RBFOX1: variants seen among roughly 807,000 people sequenced by gnomAD.
RBFOX1 encodes RNA binding protein fox-1 homolog 1.
Under a neutral mutation model 57.7 loss-of-function variants are expected in RBFOX1, and 8 were observed. That is an observed-to-expected ratio of 0.14 (90% CI 0.08 to 0.25). RBFOX1 has a LOEUF of 0.25. Among genes scored for constraint, RBFOX1 ranks in the 10% least tolerant of loss-of-function variants. The pLI, the probability that RBFOX1 is intolerant of heterozygous loss-of-function variation, is 1.00. For missense variants in RBFOX1, 611 were observed against 548.5 expected, an observed-to-expected ratio of 1.11 and a Z score of -1.14; for synonymous variants, 326 against 222.4, an observed-to-expected ratio of 1.47 and a Z score of -4.15.
chr16:6,660,749 T>G (rs951263821), intron 3 of RBFOX1, among the ~76,000 whole-genome samples: 2 of 143,722 alleles, frequency 1.4e-5, no homozygotes, highest in Admixed American at 1.5e-4. Context: ...CTGGATTAAC[T>G]GTAGCTGCGG....
intron 10 of RBFOX1, chr16:7,614,961 C>T (rs1319302638): frequency 1.3e-5 from 2 of 152,186 alleles, no homozygotes; most frequent in Non-Finnish European, 2.9e-5. Flanking sequence ...TTTTTCACTG[C>T]TTTGCTACGC....
chr16:6,776,446 C>A (rs934011663), intron 3 of RBFOX1, among the ~76,000 whole-genome samples: 4 of 126,694 alleles, frequency 3.2e-5, no homozygotes, highest in African/African-American at 5.5e-5. Context: ...AACAAACAAA[C>A]AAAAAAACAT....
intron 2 of RBFOX1, among the ~76,000 whole-genome samples, chr16:6,498,725 C>A (rs2095840933): frequency 6.6e-6 from 1 of 152,070 alleles, no homozygotes; most frequent in African/African-American, 2.4e-5. Flanking sequence ...TGTATTAAGT[C>A]CTGGAAAATC....
At chr16:7,568,404 G>T (rs949597439) in intron 5 of RBFOX1, among the ~76,000 whole-genome samples, 1 of 152,136 alleles carries the variant, frequency 6.6e-6, no homozygotes, top group Non-Finnish European at 1.5e-5. Flanking sequence ...TTGTGGTACT[G>T]GTGGGAGTGT....
chr16:5,961,852 A>T (rs963971151), intron 4 of RBFOX1, among the ~76,000 whole-genome samples: 2 of 152,140 alleles, frequency 1.3e-5, no homozygotes, highest in Non-Finnish European at 2.9e-5. Flanking sequence ...AACCTCCTTT[A>T]TCAGGTATAA....
At chr16:6,162,211 A>G (rs2096884694) in intron 1 of RBFOX1, among the ~76,000 whole-genome samples, 1 of 152,174 alleles carries the variant, frequency 6.6e-6, no homozygotes, top group East Asian at 1.9e-4. Context: ...TCCGCCTTCC[A>G]GGTTCAAGCA....
intron 3 of RBFOX1, among the ~76,000 whole-genome samples, chr16:6,888,938 A>G (rs1002192694): frequency 1.3e-5 from 2 of 152,190 alleles, no homozygotes; most frequent in African/African-American, 4.8e-5. Context: ...GAAACCTTTA[A>G]TCACTTACTT....
chr16:6,728,115 AT>A (rs1258908649), intron 3 of RBFOX1, among the ~76,000 whole-genome samples: 4 of 152,214 alleles, frequency 2.6e-5, no homozygotes, highest in African/African-American at 9.6e-5. Flanking sequence ...AATGGTTAAT[AT>A]TTTATCATTA....
chr16:6,817,658 G>C (rs927674327), intron 3 of RBFOX1, among the ~76,000 whole-genome samples: 4 of 151,478 alleles, frequency 2.6e-5, no homozygotes, highest in African/African-American at 9.7e-5. Context: ...AGCTGAGATT[G>C]CACCACTGCA....
intron 2 of RBFOX1, among the ~76,000 whole-genome samples, chr16:6,593,155 G>A (rs1162385668): frequency 1.3e-5 from 2 of 152,126 alleles, no homozygotes; most frequent in Non-Finnish European, 2.9e-5. Context: ...TGGCACCATT[G>A]CGCTCCAGCC....
intron 2 of RBFOX1, among the ~76,000 whole-genome samples, chr16:6,489,522 G>A (rs62016828): frequency 0.19 from 28,847 of 152,034 alleles, 2,752 homozygotes; most frequent in Middle Eastern, 0.26. Flanking sequence ...CAGAGCTGGG[G>A]TTTAAACTCC....
At chr16:6,608,316 C>G (rs1460263416) in intron 2 of RBFOX1, among the ~76,000 whole-genome samples, 1 of 152,136 alleles carries the variant, frequency 6.6e-6, no homozygotes, top group Non-Finnish European at 1.5e-5. Context: ...GGGGAAAAGC[C>G]TATCTTTTGA....
intron 4 of RBFOX1, among the ~76,000 whole-genome samples, chr16:7,197,913 T>A (rs1774971650): frequency 1.3e-5 from 2 of 151,950 alleles, no homozygotes; most frequent in Middle Eastern, 3.4e-3. Flanking sequence ...GGAGCAGGAA[T>A]TGGGAGTGTA....
chr16:6,825,738 A>C (rs2092036878), intron 3 of RBFOX1, among the ~76,000 whole-genome samples: 1 of 152,108 alleles, frequency 6.6e-6, no homozygotes, highest in South Asian at 2.1e-4. Context: ...AGGGCAGTCG[A>C]TGCCAGGGAC....
chr16:7,444,803 G>T (rs2098795941), intron 4 of RBFOX1, among the ~76,000 whole-genome samples: 2 of 152,110 alleles, frequency 1.3e-5, no homozygotes, highest in Non-Finnish European at 2.9e-5. Flanking sequence ...AAGTGTTGGG[G>T]TTACAGGCAT....
Position 7,273,066 on chromosome 16 carries a change from C to T in RBFOX1, c.27+220968C>T, listed in dbSNP as rs1319659764. ...CCCTCCCTTCCCTCCCTCCTTCCCT[C>T]CCTCCTTCCATCCTTCCGCTCTCCC... On this transcript the variant is annotated intron_variant, in intron 4 of 15. Coordinates refer to ENST00000550418, the MANE Select transcript of RBFOX1 (RefSeq NM_018723.4). 4.0e-5 allele frequency among the ~76,000 whole-genome samples: 5 copies of T among 123,740 alleles called. 1 individual carries two copies. Among genetic ancestry groups the T allele is most frequent in the Admixed American group, 7.9e-5 (1 of 12,614 alleles). 81.2% of individuals were successfully genotyped at this position (123,740 alleles called of 152,430 possible).
At chr16:6,841,131 T>G (rs1430147818) in intron 3 of RBFOX1, among the ~76,000 whole-genome samples, 3 of 152,130 alleles carry the variant, frequency 2.0e-5, no homozygotes, top group Non-Finnish European at 2.9e-5. Context: ...TTAAGTTCCT[T>G]GTACACTCTG....
At chr16:6,618,181 C>T (rs940930793) in intron 2 of RBFOX1, among the ~76,000 whole-genome samples, 15 of 152,152 alleles carry the variant, frequency 9.9e-5, no homozygotes, top group African/African-American at 3.6e-4. Flanking sequence ...TCTGACTCTC[C>T]AGTTCACCTC....
chr16:5,297,854 T>C (rs2063706694), intron 1 of RBFOX1, among the ~76,000 whole-genome samples: 1 of 152,224 alleles, frequency 6.6e-6, no homozygotes, highest in African/African-American at 2.4e-5. Context: ...ACTTATTCCC[T>C]TTTAAATTCT....
Sources: gnomAD v4.1 joint callset for allele counts (sites outside exome capture counted in the v4.1 genomes callset) on GRCh38, gnomAD v4.1.1 for gene constraint, MANE v1.5 for transcripts, NCBI Gene and HGNC (gene_info 2026-07-23, HGNC 2026-07-21) for gene names.